KCNN2: variants seen among roughly 807,000 people sequenced by gnomAD.
KCNN2 encodes small conductance calcium-activated potassium channel protein 2.
A neutral mutation model predicts 55.5 loss-of-function variants in KCNN2; 24 were observed. The observed-to-expected ratio is 0.43, with a 90% CI of 0.31 to 0.61. The LOEUF (loss-of-function observed/expected upper bound fraction) is 0.61, where lower values mean the gene tolerates loss of function less well. Ranked by LOEUF, KCNN2 falls within the 20% of genes least tolerant of loss-of-function variation. The pLI is 0.08. For missense variants in KCNN2, 754 were observed against 853.6 expected (o/e 0.88, Z 1.45); for synonymous variants, 431 against 336.1 (o/e 1.28, Z -3.09).
intron 1 of KCNN2, among the ~76,000 whole-genome samples, chr5:114,164,058 A>G (rs541680672): frequency 5.5e-4 from 84 of 152,312 alleles, no homozygotes; most frequent in Non-Finnish European, 1.1e-3. Flanking sequence ...AATATGAGTG[A>G]ATTGGTAATT....
Position 114,081,822 on chromosome 5 carries a change from A to G in KCNN2, c.-271+25322A>G, listed in dbSNP as rs79809095. On this transcript the variant is annotated intron_variant, in intron 1 of 10. Transcript: ENST00000512097. ...TTCATAAGACAGCATCAATGGAGTA[A>G]AAGGACAACCCATAAAGTGGGAACA... Among the ~76,000 whole-genome samples, 8 of 152,282 alleles carry G rather than the reference A, an allele frequency of 5.3e-5. No individual in the cohort carries two copies. In the East Asian group the frequency reaches 1.5e-3, roughly 29 times the overall value.
chr5:114,226,638 C>T (rs1303195018), intron 2 of KCNN2, among the ~76,000 whole-genome samples: 2 of 152,122 alleles, frequency 1.3e-5, no homozygotes, highest in African/African-American at 4.8e-5. Context: ...TGCAGTAGCT[C>T]ATGCCTGTAA....
chr5:114,097,525 G>T (rs949977180), intron 1 of KCNN2, among the ~76,000 whole-genome samples: 1 of 152,112 alleles, frequency 6.6e-6, no homozygotes, highest in African/African-American at 2.4e-5. Context: ...ACTATAGCTT[G>T]TTCCCCTGGC....
chr5:114,304,812 C>T (rs1268649821), intron 2 of KCNN2, among the ~76,000 whole-genome samples: 3 of 152,160 alleles, frequency 2.0e-5, no homozygotes, highest in Non-Finnish European at 2.9e-5. Flanking sequence ...GAGAGATTTT[C>T]CCAAGTAGTG....
intron 3 of KCNN2, among the ~76,000 whole-genome samples, chr5:114,429,034 G>T (rs961604057): frequency 2.6e-5 from 4 of 152,078 alleles, no homozygotes; most frequent in African/African-American, 7.2e-5. Context: ...GACATTTCAT[G>T]TGTAGGTTTT....
At chr5:114,064,164 C>T (rs1176649400) in intron 1 of KCNN2, among the ~76,000 whole-genome samples, 1 of 152,156 alleles carries the variant, frequency 6.6e-6, no homozygotes, top group African/African-American at 2.4e-5. Flanking sequence ...AACATGTAGA[C>T]ACATTTAGGA....
chr5:114,253,132 CT>C (rs35260445), intron 2 of KCNN2, among the ~76,000 whole-genome samples: 3 of 140,450 alleles, frequency 2.1e-5, no homozygotes, highest in African/African-American at 5.3e-5. Flanking sequence ...TTCTTGCTTT[CT>C]TTTTTTTTTT....
intron 1 of KCNN2, among the ~76,000 whole-genome samples, chr5:114,214,728 A>C (rs1753967270): frequency 6.6e-6 from 1 of 152,142 alleles, no homozygotes. Flanking sequence ...ATGGGACCAT[A>C]ATCAATATTT....
chr5:114,428,743 A>G (rs1759701860), intron 3 of KCNN2, among the ~76,000 whole-genome samples: 1 of 152,020 alleles, frequency 6.6e-6, no homozygotes, highest in East Asian at 1.9e-4. Context: ...CTGCCCCCAT[A>G]ATCCCCTGGC....
intron 1 of KCNN2, among the ~76,000 whole-genome samples, chr5:114,076,595 C>T (rs1750689758): frequency 6.6e-6 from 1 of 152,206 alleles, no homozygotes; most frequent in African/African-American, 2.4e-5. Flanking sequence ...CCAAATATAG[C>T]TCTTATTTCC....
chr5:114,144,431 G>C (rs1308207518), intron 1 of KCNN2, among the ~76,000 whole-genome samples: 1 of 152,096 alleles, frequency 6.6e-6, no homozygotes, highest in Non-Finnish European at 1.5e-5. Context: ...AGTAGCAGCA[G>C]TCACCGTAGC....
rs371798804 is a variant in KCNN2 at position 114,068,088 on chromosome 5, A to C, written c.-271+11588A>C. On this transcript the variant is annotated intron_variant, in intron 1 of 10. Transcript: ENST00000512097. ...TCGCAGAAGTCATGGTTGATGATTA[A>C]TTACCACAAGACTGGTAAGTGCATT... Among the ~76,000 whole-genome samples, 26 of 152,358 alleles carry C rather than the reference A, an allele frequency of 1.7e-4. 1 individual carries two copies. In the East Asian group the frequency reaches 4.8e-3, roughly 28 times the overall value.
intron 1 of KCNN2, among the ~76,000 whole-genome samples, chr5:114,125,824 C>T (rs1189425469): frequency 6.6e-6 from 1 of 152,154 alleles, no homozygotes; most frequent in South Asian, 2.1e-4. Context: ...GTCCAAATTT[C>T]CTCTTATAAG....
chr5:114,227,370 G>A (rs1213375637), intron 2 of KCNN2, among the ~76,000 whole-genome samples: 2 of 151,942 alleles, frequency 1.3e-5, no homozygotes, highest in African/African-American at 4.8e-5. Flanking sequence ...TATTCATAAA[G>A]CATCCCTAGA....
At chr5:114,257,376 T>C (rs1755005442) in intron 2 of KCNN2, among the ~76,000 whole-genome samples, 2 of 152,144 alleles carry the variant, frequency 1.3e-5, no homozygotes, top group African/African-American at 4.8e-5. Flanking sequence ...TAGGATTTTT[T>C]TTTTATTCTG....
chr5:114,373,657 T>TATATATATATATATATATATATA (rs1175218618), intron 2 of KCNN2, among the ~76,000 whole-genome samples: 2 of 117,624 alleles, frequency 1.7e-5, no homozygotes, highest in African/African-American at 5.9e-5. Context: ...TATATATATA[T>TATATATATATATATATATATATA]AAAATTACTT....
intron 4 of KCNN2, 125 bp downstream of exon 4, chr5:114,463,315 A>AAATC (rs1761294406): frequency 4.3e-6 from 3 of 694,670 alleles, no homozygotes; most frequent in Non-Finnish European, 4.6e-6. Context: ...CAGTATAAAT[A>AAATC]AATCAATTTT....
chr5:114,227,866 T>C (rs1239437156), intron 2 of KCNN2, among the ~76,000 whole-genome samples: 1 of 152,092 alleles, frequency 6.6e-6, no homozygotes, highest in Non-Finnish European at 1.5e-5. Flanking sequence ...AGAGTATATA[T>C]GAGTGTATAT....
chr5:114,369,495 G>T (rs143035096), intron 2 of KCNN2, among the ~76,000 whole-genome samples: 1 of 152,252 alleles, frequency 6.6e-6, no homozygotes, highest in African/African-American at 2.4e-5. Context: ...GTAGTTTCAT[G>T]TACCTATGAG....
Sources: allele counts gnomAD v4.1 joint callset (sites outside exome capture counted in the v4.1 genomes callset), GRCh38; gene constraint gnomAD v4.1.1; transcripts MANE v1.5; gene names NCBI Gene and HGNC (gene_info 2026-07-23, HGNC 2026-07-21).